The following MNT variants were observed in gnomAD, a reference collection of about 807,000 sequenced individuals.
MNT encodes the protein MAX network transcriptional repressor, also known as max-binding protein MNT.
MNT carries 13 observed loss-of-function variants against 40.7 expected under a neutral mutation model. The ratio of observed to expected loss-of-function variants is 0.32; its 90% CI spans 0.21 to 0.51. MNT has a LOEUF of 0.51. MNT is among the 20% of genes least tolerant of loss of function. The pLI, the probability that MNT is intolerant of heterozygous loss-of-function variation, is 0.98. For synonymous variants in MNT, 426 were observed against 354.8 expected (o/e 1.20, Z -2.26); for missense variants, 757 against 792.0 (o/e 0.96, Z 0.53).
rs1409575465 is a variant in MNT at position 2,395,426 on chromosome 17, C to T, written c.102G>A (p.Gln34=). The change falls in exon 2 of 6, where the codon CAG becomes CAA. Residue 34 remains glutamine (Q), a synonymous_variant. Transcript: ENST00000174618. The part of the protein sequence containing the change: ...REEQERLRLE[Q]EREQEQKKAN... ...CCTTCTTCTGTTCCTGCTCTCGCTC[C>T]TGCTCCAAGCGAAGCCGCTCCTGCT... 1 of 1,612,970 alleles carries T rather than the reference C, an allele frequency of 6.2e-7. No homozygotes were observed. Among genetic ancestry groups the T allele is most frequent in the South Asian group, 1.1e-5 (1 of 91,066 alleles).
intron 1 of MNT, 118 bp downstream of exon 1, chr17:2,400,522 G>A: frequency 9.3e-6 from 9 of 963,676 alleles, no homozygotes; most frequent in Non-Finnish European, 1.3e-5. Context: ...GCCGTGCGCT[G>A]CCAGGCTCCG....
chr17:2,401,007 C>T lies in MNT; in HGVS notation c.-295G>A, dbSNP rs1324895748. The T allele has an allele frequency of 3.5e-6, 1 of 285,762 alleles. No homozygotes were observed. Among genetic ancestry groups the T allele is most frequent in the Non-Finnish European group, 6.5e-6 (1 of 152,808 alleles). 17.7% of individuals were successfully genotyped at this position (285,762 alleles called of 1,614,324 possible). On this transcript the variant is annotated 5_prime_UTR_variant, in exon 1 of 6. Coordinates refer to ENST00000174618, the MANE Select transcript of MNT (RefSeq NM_020310.3). ...CTCTCTACCTCCCTTCCGATGCCTC[C>T]CGCCCCGCGGCCCCCGGGAGTCCCG...
At chr17:2,397,845 G>T (rs1046644569) in intron 1 of MNT, among the ~76,000 whole-genome samples, 10 of 152,334 alleles carry the variant, frequency 6.6e-5, no homozygotes, top group African/African-American at 2.4e-4. Context: ...CTCTTTAAAA[G>T]AATGTTCTGC....
At chr17:2,395,954 C>T (rs1303739458) in intron 1 of MNT, among the ~76,000 whole-genome samples, 1 of 152,214 alleles carries the variant, frequency 6.6e-6, no homozygotes, top group Non-Finnish European at 1.5e-5. Context: ...ACAATGTTTA[C>T]CAAGCACTTT....
In MNT at chr17:2,400,534, A is replaced by C. The variant is rs538305642; in HGVS notation, c.73+106T>G. ...GGAGCCGTGCGCTGCCAGGCTCCGCAGGCCGCCCGGGAGGGGGCCCTGTCC... is the reference window on the plus strand; with the variant it reads ...GGAGCCGTGCGCTGCCAGGCTCCGCCGGCCGCCCGGGAGGGGGCCCTGTCC... On this transcript the variant is annotated intron_variant, in intron 1 of 5. Coordinates refer to ENST00000174618, the MANE Select transcript of MNT (RefSeq NM_020310.3). 1.7e-3 allele frequency: 1,930 copies of C among 1,152,424 alleles called. 12 individuals carry two copies. The highest frequency in any genetic ancestry group is 1.6e-3 in the Admixed American group (42 of 26,402). The allele number at this position is 1,152,424 out of a possible 1,614,324, so 71.4% of individuals were successfully genotyped here. A position where few individuals can be genotyped will look rare whatever the true frequency, so the allele number is the denominator to read the frequency against.
Position 2,400,771 on chromosome 17 carries a change from C to T in MNT, c.-59G>A. The T allele has an allele frequency of 6.9e-7, 1 of 1,449,844 alleles. No individual in the cohort carries two copies. Among genetic ancestry groups the T allele is most frequent in the Non-Finnish European group, 9.1e-7 (1 of 1,095,406 alleles). 89.8% of individuals were successfully genotyped at this position (1,449,844 alleles called of 1,614,324 possible). On this transcript the variant is annotated 5_prime_UTR_variant, in exon 1 of 6. It adds an upstream start codon to the 5' untranslated region. Coordinates refer to ENST00000174618, the MANE Select transcript of MNT (RefSeq NM_020310.3). ...GAGGCTGCGGCCCGCGAGCCGGGCACAGGTCAGGCTGGCGGGCAGGCAGGA... is the reference window on the plus strand; with the variant it reads ...GAGGCTGCGGCCCGCGAGCCGGGCATAGGTCAGGCTGGCGGGCAGGCAGGA...
intron 1 of MNT, among the ~76,000 whole-genome samples, chr17:2,397,181 C>T (rs1481497275): frequency 6.6e-6 from 1 of 152,152 alleles, no homozygotes; most frequent in Non-Finnish European, 1.5e-5. Flanking sequence ...GATGCCAGGC[C>T]GGTGCAGGCC....
intron 1 of MNT, among the ~76,000 whole-genome samples, chr17:2,399,721 C>A (rs182340227): frequency 1.3e-5 from 2 of 152,328 alleles, no homozygotes; most frequent in Admixed American, 1.3e-4. Context: ...GCAGGAGTGT[C>A]CCCGGTGCAC....
Position 2,393,815 on chromosome 17 carries a change from C to CGGGAGCGGCGCGGGAG in MNT, c.807+212_807+227dup, listed in dbSNP as rs953068434. 10 of 227,734 alleles carry CGGGAGCGGCGCGGGAG rather than the reference C, an allele frequency of 4.4e-5. No individual in the cohort carries two copies. In the East Asian group the frequency reaches 6.0e-4, roughly 14 times the overall value. 14.1% of individuals were successfully genotyped at this position (227,734 alleles called of 1,614,324 possible). ...CGGGGACGCCGAGGCTGCAGGGGCT[C>CGGGAGCGGCGCGGGAG]GGGAGCGGCGCGGGAGGGGAGCCGC... On this transcript the variant is annotated intron_variant, in intron 4 of 5. Coordinates refer to ENST00000174618, the MANE Select transcript of MNT (RefSeq NM_020310.3).
rs971666784 is a variant in MNT at position 2,393,816 on chromosome 17, G to A, written c.807+227C>T. Reference sequence around the variant, plus strand: ...GGGGACGCCGAGGCTGCAGGGGCTCGGGAGCGGCGCGGGAGGGGAGCCGCG... The same window carrying A: ...GGGGACGCCGAGGCTGCAGGGGCTCAGGAGCGGCGCGGGAGGGGAGCCGCG... On this transcript the variant is annotated intron_variant, in intron 4 of 5. Coordinates refer to ENST00000174618, the MANE Select transcript of MNT (RefSeq NM_020310.3). 3 of 228,784 alleles carry A rather than the reference G, an allele frequency of 1.3e-5. No homozygotes were observed. The East Asian group carries it at 3.0e-4, about 23-fold the overall frequency. 14.2% of individuals were successfully genotyped at this position (228,784 alleles called of 1,614,324 possible).
At chr17:2,399,482 TTC>T (rs1035721994) in intron 1 of MNT, among the ~76,000 whole-genome samples, 2 of 152,158 alleles carry the variant, frequency 1.3e-5, no homozygotes, top group African/African-American at 4.8e-5. Context: ...CGCCCTGCGA[TTC>T]TGAGGGTTTC....
At chr17:2,398,663 G>T (rs1203824547) in intron 1 of MNT, among the ~76,000 whole-genome samples, 1 of 152,226 alleles carries the variant, frequency 6.6e-6, no homozygotes, top group African/African-American at 2.4e-5. Context: ...TGACCAGGCC[G>T]CTGAACTCGG....
intron 2 of MNT, 84 bp downstream of exon 2, chr17:2,394,791 G>A (rs2066561134): frequency 1.0e-6 from 1 of 965,880 alleles, no homozygotes; most frequent in Non-Finnish European, 1.6e-6. Flanking sequence ...CTAAGCTGGG[G>A]AGGGCACCTT....
chr17:2,385,770 G>C lies in MNT; in HGVS notation c.*1131C>G, dbSNP rs889781947. 6.6e-6 allele frequency: 1 copy of C among 152,314 alleles called. No homozygotes were observed. Among genetic ancestry groups the C allele is most frequent in the Non-Finnish European group, 1.5e-5 (1 of 68,078 alleles). 9.4% of individuals were successfully genotyped at this position (152,314 alleles called of 1,614,324 possible). A position where few individuals can be genotyped will look rare whatever the true frequency, so the allele number is the denominator to read the frequency against. The stretch of plus-strand genomic sequence containing the variant: ...GGCCCTCTGTTCTGTATAGGTCCCA[G>C]GGTTGGTCTGGGGACAGGCTTAGGG... On this transcript the variant is annotated 3_prime_UTR_variant, in exon 6 of 6. Coordinates refer to ENST00000174618, the MANE Select transcript of MNT (RefSeq NM_020310.3).
chr17:2,400,938 G>C lies in MNT; in HGVS notation c.-226C>G. 2 of 315,788 alleles carry C rather than the reference G, an allele frequency of 6.3e-6. No homozygotes were observed. The highest frequency in any genetic ancestry group is 5.7e-6 in the Non-Finnish European group (1 of 176,210). 19.6% of individuals were successfully genotyped at this position (315,788 alleles called of 1,614,324 possible). On this transcript the variant is annotated 5_prime_UTR_variant, in exon 1 of 6. Transcript: ENST00000174618. ...AATTGCAAATTTAAAAAAATGGGATGCAAAAAAAAAAAAAAGGCGGCACTG... is the reference window on the plus strand; with the variant it reads ...AATTGCAAATTTAAAAAAATGGGATCCAAAAAAAAAAAAAAGGCGGCACTG...
At chr17:2,390,351 AC>A in intron 4 of MNT, 1 of 152,310 alleles carries the variant, frequency 6.6e-6, no homozygotes, top group Middle Eastern at 3.4e-3. Context: ...AGGGCGGGGG[AC>A]CCCAAACCCC....
rs990139508 is a variant in MNT, at chr17:2,385,542, AAC to A, written c.*1357_*1358del. The A allele has an allele frequency of 2.6e-5, 4 of 152,590 alleles. No homozygotes were observed. Among genetic ancestry groups the A allele is most frequent in the East Asian group, 1.9e-4 (1 of 5,206 alleles). 9.5% of individuals were successfully genotyped at this position (152,590 alleles called of 1,614,324 possible). On this transcript the variant is annotated 3_prime_UTR_variant, in exon 6 of 6. Transcript: ENST00000174618. ...CCAGAGGCAGAGAAAGCCGCATCCT[AAC>A]ACAGAGCCCCTGACTCCTCCCCCTT...
chr17:2,400,460 A>G (rs2066607181), intron 1 of MNT, 180 bp downstream of exon 1: 4 of 532,432 alleles, frequency 7.5e-6, no homozygotes, highest in Non-Finnish European at 9.7e-6. Flanking sequence ...GAATTCATTA[A>G]TTAATTTCAC....
chr17:2,390,462 C>G (rs1335571182), intron 4 of MNT: 1 of 152,270 alleles, frequency 6.6e-6, no homozygotes, highest in Non-Finnish European at 1.5e-5. Context: ...TTGGTTCTCA[C>G]AGAAGCAGAA....
Sources: gnomAD v4.1 joint callset for allele counts (sites outside exome capture counted in the v4.1 genomes callset) on GRCh38, gnomAD v4.1.1 for gene constraint, MANE v1.5 for transcripts, NCBI Gene and HGNC (gene_info 2026-07-23, HGNC 2026-07-21) for gene names.